NXN: variants seen among roughly 807,000 people sequenced by gnomAD.
NXN encodes nucleoredoxin.
Under a neutral mutation model 48.6 loss-of-function variants are expected in NXN, and 16 were observed. The observed-to-expected ratio is 0.33, with a 90% CI of 0.22 to 0.50. NXN has a LOEUF of 0.50. Among genes scored for constraint, NXN ranks in the 20% least tolerant of loss-of-function variants. The pLI is 0.98. For missense variants in NXN, 492 were observed against 605.5 expected, an observed-to-expected ratio of 0.81 and a Z score of 1.97; for synonymous variants, 281 against 269.6, an observed-to-expected ratio of 1.04 and a Z score of -0.41.
chr17:809,162 AT>A (rs1457452745), intron 5 of NXN, among the ~76,000 whole-genome samples: 2 of 152,172 alleles, frequency 1.3e-5, no homozygotes, highest in Non-Finnish European at 2.9e-5. Flanking sequence ...CAACAGTGTG[AT>A]GTCTGCCAAG....
intron 1 of NXN, among the ~76,000 whole-genome samples, chr17:882,642 T>C (rs1369525193): frequency 1.3e-5 from 2 of 150,666 alleles, no homozygotes; most frequent in Admixed American, 1.3e-4. Context: ...ATTTTTTGTA[T>C]TTTTAGTAGA....
intron 7 of NXN, 35 bp downstream of exon 7, chr17:803,647 G>A (rs1295115413): frequency 1.2e-6 from 2 of 1,613,380 alleles, no homozygotes; most frequent in Admixed American, 1.7e-5. Context: ...TCCCAGCTGA[G>A]CCAGCCCTGG....
Position 799,728 on chromosome 17 carries a change from C to T in NXN, c.*1221G>A, listed in dbSNP as rs1052445362. The T allele has an allele frequency of 5.9e-5, 9 of 152,368 alleles. No individual in the cohort carries two copies. Among genetic ancestry groups the T allele is most frequent in the African/African-American group, 1.9e-4 (8 of 41,464 alleles). 9.4% of individuals were successfully genotyped at this position (152,368 alleles called of 1,614,324 possible). A position where few individuals can be genotyped will look rare whatever the true frequency, so the allele number is the denominator to read the frequency against. On this transcript the variant is annotated 3_prime_UTR_variant, in exon 8 of 8. Transcript: ENST00000336868. Reference sequence around the variant, plus strand: ...GCCCACCCGTGGCTGACGCGCCCTCCACCCTCACTCCATCCCGGGGCACAG... The same window carrying T: ...GCCCACCCGTGGCTGACGCGCCCTCTACCCTCACTCCATCCCGGGGCACAG...
intron 1 of NXN, among the ~76,000 whole-genome samples, chr17:948,749 T>C (rs1026302994): frequency 1.3e-5 from 2 of 151,466 alleles, no homozygotes; most frequent in Non-Finnish European, 2.9e-5. Flanking sequence ...AGAGCAGCAT[T>C]CTCAGATGGT....
At chr17:865,650 A>T (rs2068087834) in intron 1 of NXN, among the ~76,000 whole-genome samples, 1 of 152,176 alleles carries the variant, frequency 6.6e-6, no homozygotes, top group South Asian at 2.1e-4. Context: ...TAGCAATTCC[A>T]ATTCACAGAT....
At chr17:948,572 G>T (rs973977091) in intron 1 of NXN, among the ~76,000 whole-genome samples, 3 of 152,040 alleles carry the variant, frequency 2.0e-5, no homozygotes, top group African/African-American at 7.3e-5. Flanking sequence ...TGAACAAGCA[G>T]CCTGGGAAAG....
chr17:806,608 G>A (rs1183059906), intron 5 of NXN, among the ~76,000 whole-genome samples: 2 of 152,026 alleles, frequency 1.3e-5, no homozygotes, highest in Non-Finnish European at 1.5e-5. Context: ...TCTCCTCCTG[G>A]GCTGCCCAGA....
intron 1 of NXN, chr17:896,861 GCCCC>G: frequency 1.2e-5 from 14 of 1,125,776 alleles, no homozygotes; most frequent in Non-Finnish European, 1.5e-5. Context: ...CTGACCACCC[GCCCC>G]CGGCCCCTCA....
At chr17:938,082 G>C (rs1268747793) in intron 1 of NXN, among the ~76,000 whole-genome samples, 1 of 151,764 alleles carries the variant, frequency 6.6e-6, no homozygotes, top group Non-Finnish European at 1.5e-5. Flanking sequence ...GGCCAACCTT[G>C]CAATGGCCTT....
chr17:842,478 G>A, intron 1 of NXN: 3 of 983,314 alleles, frequency 3.1e-6, no homozygotes, highest in East Asian at 2.3e-4. Flanking sequence ...TGGGTTACTG[G>A]GGAGGATGAA....
At chr17:809,216 C>T (rs1386354051) in intron 5 of NXN, among the ~76,000 whole-genome samples, 1 of 152,322 alleles carries the variant, frequency 6.6e-6, no homozygotes, top group Non-Finnish European at 1.5e-5. Context: ...CCAAGCTACA[C>T]TCCTGGGCTT....
chr17:944,834 G>A (rs2069024116), intron 1 of NXN, among the ~76,000 whole-genome samples: 1 of 152,070 alleles, frequency 6.6e-6, no homozygotes, highest in South Asian at 2.1e-4. Context: ...CGTGGCCAAC[G>A]GGGTCAGTGT....
chr17:919,068 A>T lies in NXN; in HGVS notation c.360+60251T>A, dbSNP rs1360617307. On this transcript the variant is annotated intron_variant, in intron 1 of 7. Coordinates refer to ENST00000336868, the MANE Select transcript of NXN (RefSeq NM_022463.5). This position sits in a 1 kb window ranked among gnomAD's most constrained non-coding sequence, Gnocchi z 5.1. The stretch of plus-strand genomic sequence containing the variant: ...CAACAGAGTAAGACCCTATTGCTTT[A>T]AAAAAAAAAAATGTTTCAGCCAGGC... Among the ~76,000 whole-genome samples, 3 of 136,672 alleles carry T rather than the reference A, an allele frequency of 2.2e-5. No individual in the cohort carries two copies. The highest frequency in any genetic ancestry group is 4.0e-4 in the East Asian group (2 of 5,020). The allele number at this position is 136,672 out of a possible 152,430, so 89.7% of individuals were successfully genotyped here.
At chr17:836,077 C>T (rs1239573650) in intron 1 of NXN, among the ~76,000 whole-genome samples, 3 of 117,930 alleles carry the variant, frequency 2.5e-5, no homozygotes, top group South Asian at 5.8e-4. Flanking sequence ...ACAGAGGCCG[C>T]GGGGAAAAAA....
intron 5 of NXN, among the ~76,000 whole-genome samples, chr17:806,726 G>A (rs919490226): frequency 8.5e-5 from 13 of 152,142 alleles, no homozygotes; most frequent in South Asian, 2.1e-4. Flanking sequence ...GGGGGATGCC[G>A]AGGTACCAGA....
intron 1 of NXN, among the ~76,000 whole-genome samples, chr17:973,736 G>A (rs1024386305): frequency 2.0e-5 from 3 of 151,572 alleles, no homozygotes; most frequent in Admixed American, 6.6e-5. Flanking sequence ...CTGGAGTGCC[G>A]TGGCCCGATC....
chr17:924,103 T>G (rs2068774254), intron 1 of NXN, among the ~76,000 whole-genome samples: 1 of 152,122 alleles, frequency 6.6e-6, no homozygotes, highest in African/African-American at 2.4e-5. Context: ...GGTCTCACTC[T>G]GTTGCCCAGG....
chr17:826,032 A>T lies in NXN; in HGVS notation c.407T>A (p.Ile136Lys). The T allele has an allele frequency of 3.1e-6, 5 of 1,614,052 alleles. No homozygotes were observed. Among genetic ancestry groups the T allele is most frequent in the Non-Finnish European group, 4.2e-6 (5 of 1,179,944 alleles). ...KYRISNIPSL[I>K]FLDATTGKVV... Reference sequence around the variant, plus strand: ...CTTCCCAGTGGTGGCGTCGAGGAATATTAGTGATGGAATGTTGGAAATTCG... The same window carrying T: ...CTTCCCAGTGGTGGCGTCGAGGAATTTTAGTGATGGAATGTTGGAAATTCG... Residue 136 changes from isoleucine (I) to lysine (K), a missense_variant, in exon 2 of 8, where the codon ATA (isoleucine) becomes AAA (lysine). Coordinates refer to ENST00000336868, the MANE Select transcript of NXN (RefSeq NM_022463.5).
At chr17:938,727 C>T (rs1413825697) in intron 1 of NXN, among the ~76,000 whole-genome samples, 4 of 151,480 alleles carry the variant, frequency 2.6e-5, no homozygotes, top group African/African-American at 9.7e-5. Flanking sequence ...AGAAAACAGG[C>T]AAAATCAAAA....
Sources: gnomAD v4.1 joint callset for allele counts (sites outside exome capture counted in the v4.1 genomes callset) on GRCh38, gnomAD v4.1.1 for gene constraint, Gnocchi (gnomAD v3.1) non-coding constraint, MANE v1.5 for transcripts, NCBI Gene and HGNC (gene_info 2026-07-23, HGNC 2026-07-21) for gene names.